The following RNASE4 variants were observed in gnomAD, a reference collection of about 807,000 sequenced individuals.
The protein encoded by RNASE4 is ribonuclease 4.
For synonymous variants in RNASE4, 93 were observed against 71.4 expected (o/e 1.30, Z -1.52); for missense variants, 194 against 192.8 (o/e 1.01, Z -0.04).
chr14:20,686,442 T>G (rs1000870343), intron 1 of RNASE4, among the ~76,000 whole-genome samples: 1 of 152,218 alleles, frequency 6.6e-6, no homozygotes, highest in Non-Finnish European at 1.5e-5. Flanking sequence ...GATAAAAAAG[T>G]GGACCAATGA....
Position 20,699,708 on chromosome 14 carries a change from G to A in RNASE4, c.337G>A (p.Gly113Arg), listed in dbSNP as rs778100811. 6.2e-7 allele frequency: 1 copy of A among 1,609,890 alleles called. No individual in the cohort carries two copies. The highest frequency in any genetic ancestry group is 8.5e-7 in the Non-Finnish European group (1 of 1,180,010). The change falls in exon 2 of 2, where the codon GGA (glycine) becomes AGA (arginine). Residue 113 changes from glycine to arginine, a missense_variant. Physicochemically the swap from Gly to Arg is moderately radical, Grantham distance 125 (BLOSUM62 -2). Transcript: ENST00000555835. ...VVKVTDCRDTGSSRAPNCRYR... is the reference protein window; with the variant it reads ...VVKVTDCRDTRSSRAPNCRYR... ...GAAGGTCACAGATTGCAGGGACACA[G>A]GAAGTTCCAGGGCACCCAACTGCAG...
chr14:20,699,226 G>C, intron 1 of RNASE4, 129 bp from the exon 2 acceptor site: 2 of 711,936 alleles, frequency 2.8e-6, no homozygotes, highest in Non-Finnish European at 4.6e-6. Context: ...AGATGAGTGG[G>C]GAGATGGTGC....
intron 1 of RNASE4, among the ~76,000 whole-genome samples, chr14:20,697,309 CT>C (rs1887126585): frequency 6.6e-6 from 1 of 152,212 alleles, no homozygotes; most frequent in African/African-American, 2.4e-5. Context: ...GTATATTGAT[CT>C]GCTGAAGCTA....
At chr14:20,687,824 C>G (rs1441372883) in intron 1 of RNASE4, among the ~76,000 whole-genome samples, 2 of 152,202 alleles carry the variant, frequency 1.3e-5, no homozygotes, top group Non-Finnish European at 2.9e-5. Context: ...GACACCTTCT[C>G]AAGTGCAGCC....
At chr14:20,688,318 T>G (rs1369275785) in intron 1 of RNASE4, among the ~76,000 whole-genome samples, 1 of 152,182 alleles carries the variant, frequency 6.6e-6, no homozygotes, top group Admixed American at 6.5e-5. Context: ...CATCCGTTCA[T>G]GAAACCAAAT....
At chr14:20,693,440 A>G (rs537710359) in intron 1 of RNASE4, 1 of 1,454,562 alleles carries the variant, frequency 6.9e-7, no homozygotes, top group South Asian at 1.2e-5. Context: ...TGGTGGTGGA[A>G]AAGATCTGAT....
intron 1 of RNASE4, among the ~76,000 whole-genome samples, chr14:20,692,385 A>C (rs1886805291): frequency 6.6e-6 from 1 of 152,230 alleles, no homozygotes; most frequent in Admixed American, 6.5e-5. Flanking sequence ...TAGCTGACTA[A>C]TTAGCTAGAA....
intron 1 of RNASE4, among the ~76,000 whole-genome samples, chr14:20,692,774 T>C (rs185822164): frequency 3.9e-5 from 6 of 152,298 alleles, no homozygotes. Context: ...TACTATCTCA[T>C]CTCAGTACAT....
At chr14:20,686,578 A>G (rs1241737006) in intron 1 of RNASE4, among the ~76,000 whole-genome samples, 1 of 152,230 alleles carries the variant, frequency 6.6e-6, no homozygotes, top group Non-Finnish European at 1.5e-5. Context: ...GGGAATGGGA[A>G]CAAAGAGTGA....
rs759744209 is a variant in RNASE4 at position 20,699,839 on chromosome 14, C to T, written c.*24C>T. On this transcript the variant is annotated 3_prime_UTR_variant, in exon 2 of 2. Transcript: ENST00000555835. ...AGATGCCACCATGTAGGGATTATCG[C>T]GAGTGGTTGACCTTACACTTACTCC... 15 of 1,602,050 alleles carry T rather than the reference C, an allele frequency of 9.4e-6. No individual in the cohort carries two copies. The highest frequency in any genetic ancestry group is 2.2e-5 in the East Asian group (1 of 44,760).
At chr14:20,687,800 G>A (rs570899701) in intron 1 of RNASE4, among the ~76,000 whole-genome samples, 2 of 152,318 alleles carry the variant, frequency 1.3e-5, no homozygotes, top group East Asian at 3.9e-4. Flanking sequence ...CTAGCAGGCA[G>A]CCTGTCTTTT....
rs182128461 is a variant in RNASE4 at position 20,692,030 on chromosome 14, G to A, written c.-18+7272G>A. 3.3e-5 allele frequency among the ~76,000 whole-genome samples: 5 copies of A among 152,188 alleles called. No homozygotes were observed. The East Asian group carries it at 7.7e-4, about 23-fold the overall frequency. On this transcript the variant is annotated intron_variant, in intron 1 of 1. Transcript: ENST00000555835. Reference sequence around the variant, plus strand: ...GTACAACATTGGTGCTTCCTGCAAGGGCTACAGAACTATTTGATACGAAAA... The same window carrying A: ...GTACAACATTGGTGCTTCCTGCAAGAGCTACAGAACTATTTGATACGAAAA...
At chr14:20,692,671 A>G (rs1202097582) in intron 1 of RNASE4, among the ~76,000 whole-genome samples, 1 of 152,194 alleles carries the variant, frequency 6.6e-6, no homozygotes, top group Non-Finnish European at 1.5e-5. Flanking sequence ...ACCAATCCAT[A>G]GAAATACTGT....
At chr14:20,694,303 T>TG (rs1886996565) in intron 1 of RNASE4, 1 of 389,554 alleles carries the variant, frequency 2.6e-6, no homozygotes, top group Admixed American at 4.4e-5. Context: ...TTTCGTTTTT[T>TG]TTTTTTTTTT....
At chr14:20,693,654 C>T in intron 1 of RNASE4, 1 of 1,613,934 alleles carries the variant, frequency 6.2e-7, no homozygotes, top group Non-Finnish European at 8.5e-7. Context: ...ACTCCAGGTA[C>T]ACACACTTCC....
chr14:20,685,121 G>C (rs1886363172), intron 1 of RNASE4, among the ~76,000 whole-genome samples: 1 of 152,136 alleles, frequency 6.6e-6, no homozygotes, highest in East Asian at 1.9e-4. Flanking sequence ...GCTTTTTGAA[G>C]CAGGCCTTAG....
intron 1 of RNASE4, among the ~76,000 whole-genome samples, chr14:20,686,663 A>T (rs1466177065): frequency 6.6e-6 from 1 of 152,254 alleles, no homozygotes; most frequent in African/African-American, 2.4e-5. Context: ...CAGGCATGTC[A>T]GCAGGACTTT....
At chr14:20,696,843 G>A (rs1466566632) in intron 1 of RNASE4, among the ~76,000 whole-genome samples, 1 of 152,160 alleles carries the variant, frequency 6.6e-6, no homozygotes, top group African/African-American at 2.4e-5. Context: ...TAAGAGGTAG[G>A]TATTACATGC....
In RNASE4 at chr14:20,700,855, A is replaced by G. The variant is rs1266610997; in HGVS notation, c.*1040A>G. ...GGGAGCTGTCAGGTCTCTGAGCCCAAGCCTGCACGTATACATCCAGATGGC... is the reference window on the plus strand; with the variant it reads ...GGGAGCTGTCAGGTCTCTGAGCCCAGGCCTGCACGTATACATCCAGATGGC... On this transcript the variant is annotated 3_prime_UTR_variant, in exon 2 of 2. Transcript: ENST00000555835. 1 of 152,604 alleles carries G rather than the reference A, an allele frequency of 6.6e-6. No homozygotes were observed. Among genetic ancestry groups the G allele is most frequent in the African/African-American group, 2.4e-5 (1 of 41,438 alleles). 9.5% of individuals were successfully genotyped at this position (152,604 alleles called of 1,614,324 possible). A position where few individuals can be genotyped will look rare whatever the true frequency, so the allele number is the denominator to read the frequency against.
Sources: gnomAD v4.1 joint callset for allele counts (sites outside exome capture counted in the v4.1 genomes callset) on GRCh38, gnomAD v4.1.1 for gene constraint, MANE v1.5 for transcripts, NCBI Gene and HGNC (gene_info 2026-07-23, HGNC 2026-07-21) for gene names.